Variants in ATXN8OS observed in about 807,000 individuals in gnomAD.
ATXN8OS encodes ATXN8 opposite strand lncRNA.
At chr13:70,138,383 A>AT (rs1168855898) in intron 3 of ATXN8OS, among the ~76,000 whole-genome samples, 18 of 53,508 alleles carry the variant, frequency 3.4e-4, no homozygotes, top group African/African-American at 1.7e-3. Context: ...TTAAATGTTA[A>AT]TTTTTTATCA....
intron 1 of ATXN8OS, among the ~76,000 whole-genome samples, chr13:70,112,511 AC>A (rs1315341696): frequency 2.6e-5 from 4 of 152,006 alleles, no homozygotes; most frequent in African/African-American, 9.7e-5. Flanking sequence ...AATACACATA[AC>A]CATTCATGGT....
At chr13:70,151,323 C>G (rs968678706) in intron 4 of ATXN8OS, among the ~76,000 whole-genome samples, 4 of 152,218 alleles carry the variant, frequency 2.6e-5, no homozygotes, top group Admixed American at 6.5e-5. Flanking sequence ...CCCCCGGCAA[C>G]TGACATTCTA....
chr13:70,157,259 A>T (rs1279896435), intron 4 of ATXN8OS, among the ~76,000 whole-genome samples: 1 of 152,204 alleles, frequency 6.6e-6, no homozygotes, highest in Non-Finnish European at 1.5e-5. Flanking sequence ...TTATTAAAAT[A>T]GAATGTTGTG....
intron 4 of ATXN8OS, among the ~76,000 whole-genome samples, chr13:70,148,076 C>T (rs903204960): frequency 3.3e-5 from 5 of 151,990 alleles, no homozygotes; most frequent in African/African-American, 1.2e-4. Flanking sequence ...GTTGTGGAAG[C>T]CAAGGTTCTT....
chr13:70,144,387 G>C (rs1888754768), intron 3 of ATXN8OS, among the ~76,000 whole-genome samples: 2 of 151,650 alleles, frequency 1.3e-5, no homozygotes, highest in East Asian at 1.9e-4. Context: ...CCTGTTTTTT[G>C]TCCTAGTAAC....
chr13:70,109,677 T>C (rs1174191749), intron 1 of ATXN8OS, among the ~76,000 whole-genome samples: 1 of 152,178 alleles, frequency 6.6e-6, no homozygotes, highest in Non-Finnish European at 1.5e-5. Flanking sequence ...TTTCTCTCAG[T>C]ATTCAGTGAT....
intron 4 of ATXN8OS, among the ~76,000 whole-genome samples, chr13:70,168,330 C>T (rs2137509128): frequency 6.6e-6 from 1 of 152,174 alleles, no homozygotes; most frequent in South Asian, 2.1e-4. Context: ...GGTTATCTAT[C>T]ACCTGGAGCA....
intron 4 of ATXN8OS, among the ~76,000 whole-genome samples, chr13:70,165,259 C>T (rs1889064691): frequency 1.3e-5 from 2 of 151,606 alleles, no homozygotes; most frequent in South Asian, 4.2e-4. Flanking sequence ...AGAAAGAGAA[C>T]TCCATTAATA....
chr13:70,120,240 T>C (rs768039145), intron 2 of ATXN8OS, among the ~76,000 whole-genome samples: 10 of 152,082 alleles, frequency 6.6e-5, no homozygotes, highest in Non-Finnish European at 1.3e-4. Context: ...AAAAAGGAAT[T>C]TTAAGAATGT....
chr13:70,136,426 A>C (rs1236704466), intron 3 of ATXN8OS, among the ~76,000 whole-genome samples: 1 of 151,688 alleles, frequency 6.6e-6, no homozygotes, highest in Non-Finnish European at 1.5e-5. Context: ...ATTGTATCCT[A>C]CTTTTTTGCC....
At chr13:70,147,331 T>G (rs1002229335) in intron 3 of ATXN8OS, among the ~76,000 whole-genome samples, 1 of 152,178 alleles carries the variant, frequency 6.6e-6, no homozygotes. Flanking sequence ...CTTTGACTAA[T>G]TGGAATTTTC....
At chr13:70,164,169 A>C (rs933278396) in intron 4 of ATXN8OS, among the ~76,000 whole-genome samples, 33 of 150,564 alleles carry the variant, frequency 2.2e-4, no homozygotes, top group African/African-American at 8.0e-4. Context: ...CTTATTTCCC[A>C]ATTACCATTA....
At chr13:70,150,197 C>G (rs183437017) in intron 4 of ATXN8OS, among the ~76,000 whole-genome samples, 68 of 152,128 alleles carry the variant, frequency 4.5e-4, no homozygotes, top group African/African-American at 1.6e-3. Flanking sequence ...AGTTACTCCT[C>G]CTATTCATGA....
chr13:70,169,611 G>C (rs1459579469), intron 4 of ATXN8OS, among the ~76,000 whole-genome samples: 1 of 151,984 alleles, frequency 6.6e-6, no homozygotes, highest in Admixed American at 6.6e-5. Context: ...TTTAATCTTT[G>C]AAAGAGTATT....
chr13:70,117,991 T>G (rs1888304591), intron 2 of ATXN8OS, among the ~76,000 whole-genome samples: 2 of 152,068 alleles, frequency 1.3e-5, no homozygotes, highest in Admixed American at 6.6e-5. Flanking sequence ...CAACATTGAT[T>G]TTTTGGTGAG....
intron 3 of ATXN8OS, among the ~76,000 whole-genome samples, chr13:70,145,404 T>G (rs1016730950): frequency 4.0e-5 from 6 of 151,818 alleles, no homozygotes; most frequent in Non-Finnish European, 7.4e-5. Flanking sequence ...ATTGGTAGCT[T>G]GATGGGGATG....
chr13:70,117,442 T>A (rs1438605859), intron 2 of ATXN8OS, among the ~76,000 whole-genome samples: 1 of 152,098 alleles, frequency 6.6e-6, no homozygotes, highest in Non-Finnish European at 1.5e-5. Context: ...TCCTCACTCT[T>A]CAAGGATTGA....
intron 3 of ATXN8OS, chr13:70,139,383 A>ACTACTGCTACTGCTG: frequency 2.2e-6 from 1 of 455,718 alleles, no homozygotes. Flanking sequence ...TACTACTACT[A>ACTACTGCTACTGCTG]CTGCTGCTGC....
intron 4 of ATXN8OS, among the ~76,000 whole-genome samples, chr13:70,165,462 AATACT>A (rs1443232076): frequency 6.6e-6 from 1 of 151,994 alleles, no homozygotes; most frequent in Admixed American, 6.6e-5. Context: ...AAACTTATTG[AATACT>A]ATAATTTCAA....
Sources: gnomAD v4.1 joint callset for allele counts (sites outside exome capture counted in the v4.1 genomes callset) on GRCh38, gnomAD v4.1.1 for gene constraint, MANE v1.5 for transcripts, NCBI Gene and HGNC (gene_info 2026-07-23, HGNC 2026-07-21) for gene names.